MBOAT1: variants seen among roughly 807,000 people sequenced by gnomAD.
MBOAT1 encodes the protein membrane-bound glycerophospholipid O-acyltransferase 1.
Under a neutral mutation model 64.4 loss-of-function variants are expected in MBOAT1, and 67 were observed. The ratio of observed to expected loss-of-function variants is 1.04; its 90% CI spans 0.85 to 1.27. MBOAT1 has a LOEUF of 1.27. MBOAT1 is among the 50% of genes most tolerant of loss of function. The pLI is 0.00. For synonymous variants in MBOAT1, 229 were observed against 218.9 expected (o/e 1.05, Z -0.41); for missense variants, 563 against 604.6 (o/e 0.93, Z 0.72).
chr6:20,118,085 T>C (rs1474969880), intron 9 of MBOAT1, among the ~76,000 whole-genome samples: 1 of 152,194 alleles, frequency 6.6e-6, no homozygotes, highest in African/African-American at 2.4e-5. Flanking sequence ...CCAGTCTACA[T>C]TCGTCACTGA....
chr6:20,109,482 T>A, intron 12 of MBOAT1, 116 bp downstream of exon 12: 1 of 1,288,488 alleles, frequency 7.8e-7, no homozygotes, highest in Middle Eastern at 1.9e-4. Flanking sequence ...CTTCCCACAC[T>A]GAAGCCCCAG....
At chr6:20,113,269 C>G (rs2472776) in intron 10 of MBOAT1, among the ~76,000 whole-genome samples, 12,529 of 152,228 alleles carry the variant, frequency 0.082, 600 homozygotes, top group Admixed American at 0.14. Flanking sequence ...ACTAAATGAT[C>G]TGGACCCATC....
intron 1 of MBOAT1, among the ~76,000 whole-genome samples, chr6:20,211,756 G>T (rs1283928444): frequency 6.6e-6 from 1 of 151,960 alleles, no homozygotes; most frequent in Non-Finnish European, 1.5e-5. Context: ...TTTTTAAGTA[G>T]GGTCATCTAA....
chr6:20,104,804 T>C (rs1290113379), intron 12 of MBOAT1, among the ~76,000 whole-genome samples: 1 of 152,220 alleles, frequency 6.6e-6, no homozygotes, highest in Non-Finnish European at 1.5e-5. Flanking sequence ...ATTTATAGAA[T>C]AGTGAAGAGC....
chr6:20,144,585 T>C (rs1032122246), intron 3 of MBOAT1, among the ~76,000 whole-genome samples: 6 of 152,208 alleles, frequency 3.9e-5, no homozygotes, highest in Non-Finnish European at 7.4e-5. Flanking sequence ...CTCCCTGCTA[T>C]TCCTGTTTAA....
intron 1 of MBOAT1, among the ~76,000 whole-genome samples, chr6:20,211,927 A>G (rs562615364): frequency 6.6e-6 from 1 of 152,116 alleles, no homozygotes; most frequent in South Asian, 2.1e-4. Context: ...ATTTTTTCAC[A>G]CTTACAAGGA....
Position 20,212,465 on chromosome 6 carries a change from G to A in MBOAT1, c.-231C>T, listed in dbSNP as rs1763471806. The A allele has an allele frequency of 1.8e-6, 1 of 544,046 alleles. No homozygotes were observed. 33.7% of individuals were successfully genotyped at this position (544,046 alleles called of 1,614,324 possible). On this transcript the variant is annotated 5_prime_UTR_variant, in exon 1 of 13. Coordinates refer to ENST00000324607, the MANE Select transcript of MBOAT1 (RefSeq NM_001080480.3). ...GGCGCTGCAGCCACGGGCGCCGTAG[G>A]AGGGCCGGGCCCAAGGCGCCCCGCT... is the stretch of plus-strand genomic sequence containing the variant.
At chr6:20,180,343 C>T (rs1021049152) in intron 1 of MBOAT1, among the ~76,000 whole-genome samples, 4 of 152,032 alleles carry the variant, frequency 2.6e-5, no homozygotes, top group Non-Finnish European at 1.5e-5. Context: ...CTACTTGCTC[C>T]GATTTCCCCT....
chr6:20,130,643 G>A (rs1042606566), intron 5 of MBOAT1, among the ~76,000 whole-genome samples: 3 of 151,616 alleles, frequency 2.0e-5, no homozygotes, highest in Non-Finnish European at 4.4e-5. Flanking sequence ...GTGAGCCACC[G>A]TGCCTGGCCC....
At chr6:20,142,959 A>C (rs1761221117) in intron 4 of MBOAT1, among the ~76,000 whole-genome samples, 1 of 152,152 alleles carries the variant, frequency 6.6e-6, no homozygotes, top group African/African-American at 2.4e-5. Flanking sequence ...GTGTCCCAAA[A>C]CAACACTCTT....
intron 1 of MBOAT1, among the ~76,000 whole-genome samples, chr6:20,166,939 G>GA (rs1762031988): frequency 6.6e-6 from 1 of 151,130 alleles, no homozygotes; most frequent in South Asian, 2.1e-4. Flanking sequence ...ACCCTGTCAC[G>GA]AATGAATGAA....
intron 9 of MBOAT1, among the ~76,000 whole-genome samples, chr6:20,116,002 A>AG (rs139113971): frequency 1.1e-4 from 17 of 151,566 alleles, no homozygotes; most frequent in African/African-American, 3.4e-4. Flanking sequence ...TTAGAAAAAA[A>AG]AAAAGAAAAA....
intron 1 of MBOAT1, among the ~76,000 whole-genome samples, chr6:20,155,150 C>A (rs774122059): frequency 6.6e-6 from 1 of 152,194 alleles, no homozygotes; most frequent in Non-Finnish European, 1.5e-5. Context: ...GTGGTTCTCA[C>A]GAGTGTAGTC....
chr6:20,163,376 T>C (rs753817150), intron 1 of MBOAT1, among the ~76,000 whole-genome samples: 24 of 152,228 alleles, frequency 1.6e-4, no homozygotes, highest in Admixed American at 1.3e-4. Flanking sequence ...TACTTTATTG[T>C]TAATAATATT....
intron 1 of MBOAT1, among the ~76,000 whole-genome samples, chr6:20,168,816 G>T (rs1230792853): frequency 3.7e-5 from 5 of 134,838 alleles, no homozygotes; most frequent in Admixed American, 2.2e-4. Context: ...GGGAGGGGAG[G>T]AAGGAAGAGG....
intron 1 of MBOAT1, among the ~76,000 whole-genome samples, chr6:20,180,496 G>A (rs748094926): frequency 2.0e-5 from 3 of 151,970 alleles, no homozygotes; most frequent in South Asian, 2.1e-4. Context: ...TGGGCCCCTC[G>A]GACAGCTCGC....
rs1017296982 is a variant in MBOAT1 at position 20,126,415 on chromosome 6, G to A, written c.714+102C>T. 4 of 994,276 alleles carry A rather than the reference G, an allele frequency of 4.0e-6. No individual in the cohort carries two copies. In the Admixed American group the frequency reaches 8.0e-5, roughly 20 times the overall value. The allele number at this position is 994,276 out of a possible 1,614,324, so 61.6% of individuals were successfully genotyped here. A position where few individuals can be genotyped will look rare whatever the true frequency, so the allele number is the denominator to read the frequency against. On this transcript the variant is annotated intron_variant, in intron 7 of 12. Transcript: ENST00000324607. ...TTTAAATAAATGAGAAAAGTTATTG[G>A]CCAAGCTTTCTGGTAAACTGTTTGG...
intron 9 of MBOAT1, 115 bp downstream of exon 9, chr6:20,118,322 C>G: frequency 2.5e-6 from 2 of 797,324 alleles, no homozygotes; most frequent in Non-Finnish European, 4.1e-6. Context: ...CCTGGCAATT[C>G]CCTGAGAGCA....
In MBOAT1 at chr6:20,100,459, T is replaced by C. The variant is rs76304669; in HGVS notation, c.*1827A>G. ...GAAGTAGGGTTGCCCCAAGATTTCC[T>C]TGTTAAAGTGGGGTGAGACTCATGC... On this transcript the variant is annotated 3_prime_UTR_variant, in exon 13 of 13. Transcript: ENST00000324607. Among the ~76,000 whole-genome samples the C allele has an allele frequency of 0.018, 2,739 of 152,298 alleles. 81 individuals are homozygous for C. Among genetic ancestry groups the C allele is most frequent in the African/African-American group, 0.062 (2,558 of 41,558 alleles).
Sources: allele counts gnomAD v4.1 joint callset (sites outside exome capture counted in the v4.1 genomes callset), GRCh38; gene constraint gnomAD v4.1.1; transcripts MANE v1.5; gene names NCBI Gene and HGNC (gene_info 2026-07-23, HGNC 2026-07-21).